BMERB1: variants seen among roughly 807,000 people sequenced by gnomAD.
BMERB1 encodes the protein bMERB domain containing 1.
BMERB1 carries 12 observed loss-of-function variants against 23.6 expected under a neutral mutation model. The ratio of observed to expected loss-of-function variants is 0.51; its 90% confidence interval spans 0.33 to 0.82. The LOEUF (loss-of-function observed/expected upper bound fraction) is 0.82, where lower values mean the gene tolerates loss of function less well. Among genes scored for constraint, BMERB1 ranks in the 40% least tolerant of loss-of-function variants. The pLI, the probability that BMERB1 is intolerant of heterozygous loss-of-function variation, is 0.03. For missense variants in BMERB1, 247 were observed against 255.4 expected (o/e 0.97, Z 0.22); for synonymous variants, 122 against 96.6 (o/e 1.26, Z -1.54).
At chr16:15,494,763 A>G (rs941759291) in intron 1 of BMERB1, among the ~76,000 whole-genome samples, 1 of 152,162 alleles carries the variant, frequency 6.6e-6, no homozygotes, top group Non-Finnish European at 1.5e-5. Flanking sequence ...AAAGCAACAA[A>G]GAATTTGTTT....
chr16:15,557,278 G>A (rs2030289596), intron 2 of BMERB1, among the ~76,000 whole-genome samples: 2 of 152,124 alleles, frequency 1.3e-5, no homozygotes, highest in African/African-American at 4.8e-5. Context: ...TCTCTGGAAC[G>A]AGCCGGCAGC....
intron 2 of BMERB1, among the ~76,000 whole-genome samples, chr16:15,541,052 C>T (rs2052073278): frequency 6.6e-6 from 1 of 152,184 alleles, no homozygotes; most frequent in South Asian, 2.1e-4. Context: ...AGTCCGGAGC[C>T]ACCCACCCTT....
rs2031178850 is a variant in BMERB1 at position 15,587,457 on chromosome 16, G to C, written c.*628G>C. The stretch of plus-strand genomic sequence containing the variant: ...CCGCTTCCCCCCATCCTGTGTCTGG[G>C]CACAGTTCACATCAGGACAGCGTCC... On this transcript the variant is annotated 3_prime_UTR_variant, in exon 6 of 6. Transcript: ENST00000300006. The C allele has an allele frequency of 2.8e-6, 1 of 360,736 alleles. No individual in the cohort carries two copies. Among genetic ancestry groups the C allele is most frequent in the South Asian group, 1.9e-5 (1 of 51,640 alleles). 22.3% of individuals were successfully genotyped at this position (360,736 alleles called of 1,614,324 possible).
intron 1 of BMERB1, among the ~76,000 whole-genome samples, chr16:15,464,515 G>A (rs1307176137): frequency 6.6e-6 from 1 of 152,040 alleles, no homozygotes; most frequent in Admixed American, 6.6e-5. Context: ...GAGCAGTCTC[G>A]AGTGCTGCTG....
At chr16:15,456,233 TA>T (rs1285945705) in intron 1 of BMERB1, among the ~76,000 whole-genome samples, 1 of 152,210 alleles carries the variant, frequency 6.6e-6, no homozygotes, top group East Asian at 1.9e-4. Flanking sequence ...ACATGGATTT[TA>T]AAAAATGAAT....
intron 2 of BMERB1, among the ~76,000 whole-genome samples, chr16:15,540,977 A>G (rs1466191310): frequency 6.6e-6 from 1 of 152,030 alleles, no homozygotes; most frequent in Non-Finnish European, 1.5e-5. Flanking sequence ...TGGAGTTAGC[A>G]TCAGGTCCTG....
In BMERB1 at chr16:15,520,292, C is replaced by G. The variant is rs1446075140; in HGVS notation, c.230+4864C>G. 3.9e-5 allele frequency among the ~76,000 whole-genome samples: 6 copies of G among 152,052 alleles called. No individual in the cohort carries two copies. In the East Asian group the frequency reaches 1.2e-3, roughly 29 times the overall value. On this transcript the variant is annotated intron_variant, in intron 2 of 5. Coordinates refer to ENST00000300006, the MANE Select transcript of BMERB1 (RefSeq NM_033201.3). ...TTCTCAATGCCAGGACCCCTTTTCT[C>G]TTTGCCTTACTCTTTTACAACGCAA... is the stretch of plus-strand genomic sequence containing the variant.
chr16:15,460,082 A>G (rs942562696), intron 1 of BMERB1, among the ~76,000 whole-genome samples: 8 of 152,170 alleles, frequency 5.3e-5, no homozygotes, highest in African/African-American at 1.7e-4. Context: ...GGATGGAAAG[A>G]ACCATCTTCT....
intron 2 of BMERB1, among the ~76,000 whole-genome samples, chr16:15,533,530 G>T (rs1032213403): frequency 3.9e-5 from 6 of 152,026 alleles, no homozygotes; most frequent in African/African-American, 1.2e-4. Flanking sequence ...GAGTAGCTGG[G>T]ACCAAGTAGC....
At position 15,501,766 on chromosome 16, in the gene BMERB1, C is replaced by T. The variant is rs142172338; in HGVS notation, c.107-13539C>T. On this transcript the variant is annotated intron_variant, in intron 1 of 5. Transcript: ENST00000300006. ...AGGATTACAGGCGTGAGTGAGCCACCGTGCTCTGCCACGGCTAATTTTTAT... is the reference window on the plus strand; with the variant it reads ...AGGATTACAGGCGTGAGTGAGCCACTGTGCTCTGCCACGGCTAATTTTTAT... Among the ~76,000 whole-genome samples the T allele has an allele frequency of 3.8e-3, 579 of 152,228 alleles. 3 individuals carry two copies. Among genetic ancestry groups the T allele is most frequent in the African/African-American group, 8.5e-3 (352 of 41,542 alleles).
chr16:15,580,415 T>A (rs1042321910), intron 3 of BMERB1, among the ~76,000 whole-genome samples: 1 of 152,028 alleles, frequency 6.6e-6, no homozygotes, highest in African/African-American at 2.4e-5. Flanking sequence ...ATTACTCCCA[T>A]TTTAAGCCTC....
At chr16:15,574,042 T>C (rs1292788206) in intron 3 of BMERB1, among the ~76,000 whole-genome samples, 1 of 149,218 alleles carries the variant, frequency 6.7e-6, no homozygotes, top group East Asian at 2.0e-4. Context: ...TGCCCAAGAC[T>C]GGGTATAAAG....
intron 1 of BMERB1, among the ~76,000 whole-genome samples, chr16:15,478,821 A>G (rs2051294640): frequency 6.6e-6 from 1 of 152,222 alleles, no homozygotes; most frequent in South Asian, 2.1e-4. Context: ...TTGATGAAGC[A>G]GTGAGAGTTA....
intron 1 of BMERB1, among the ~76,000 whole-genome samples, chr16:15,461,137 A>AG (rs1486948206): frequency 1.3e-5 from 2 of 151,576 alleles, no homozygotes; most frequent in Non-Finnish European, 2.9e-5. Flanking sequence ...AAAAAAAAAA[A>AG]AAGAAGCTAG....
chr16:15,520,892 G>C (rs898371504), intron 2 of BMERB1, among the ~76,000 whole-genome samples: 4 of 152,052 alleles, frequency 2.6e-5, no homozygotes, highest in Non-Finnish European at 4.4e-5. Flanking sequence ...GGACCCCCAG[G>C]CCTCTCAAAA....
At position 15,511,219 on chromosome 16, in the gene BMERB1, A is replaced by T. The variant is rs181591747; in HGVS notation, c.107-4086A>T. 3.3e-5 allele frequency among the ~76,000 whole-genome samples: 5 copies of T among 152,096 alleles called. No homozygotes were observed. In the East Asian group the frequency reaches 7.8e-4, roughly 24 times the overall value. On this transcript the variant is annotated intron_variant, in intron 1 of 5. Transcript: ENST00000300006. ...TCCTACAAATCCTCTGCAAACAGAC[A>T]TCGCTCCCTCTCCCCAAGCCACAGC...
At chr16:15,560,980 G>T (rs1190293038) in intron 2 of BMERB1, among the ~76,000 whole-genome samples, 2 of 105,888 alleles carry the variant, frequency 1.9e-5, no homozygotes, top group Admixed American at 2.3e-4. Context: ...TTTTTGAGAC[G>T]GAGTCTCGCT....
chr16:15,547,870 C>T (rs527650301), intron 2 of BMERB1, among the ~76,000 whole-genome samples: 1 of 152,184 alleles, frequency 6.6e-6, no homozygotes, highest in Non-Finnish European at 1.5e-5. Flanking sequence ...GCTGTGGGAT[C>T]TTCCTGTATA....
intron 1 of BMERB1, among the ~76,000 whole-genome samples, chr16:15,488,365 G>C (rs2051385487): frequency 6.6e-6 from 1 of 152,188 alleles, no homozygotes; most frequent in African/African-American, 2.4e-5. Context: ...TGATGGGCTG[G>C]AGATGGCCTT....
Sources: gnomAD v4.1 joint callset for allele counts (sites outside exome capture counted in the v4.1 genomes callset) on GRCh38, gnomAD v4.1.1 for gene constraint, MANE v1.5 for transcripts, NCBI Gene and HGNC (gene_info 2026-07-23, HGNC 2026-07-21) for gene names.